The following DKK2 variants were observed in gnomAD, a reference collection of about 807,000 sequenced individuals.
DKK2 encodes the protein dickkopf Wnt signaling pathway inhibitor 2, also known as dickkopf-related protein 2.
In DKK2, 11 loss-of-function variants were observed where a neutral mutation model predicts 28.1. The ratio of observed to expected loss-of-function variants is 0.39; its 90% CI spans 0.25 to 0.65. DKK2 has a LOEUF of 0.65. Ranked by LOEUF, DKK2 falls within the 30% of genes least tolerant of loss-of-function variation. The pLI, the probability that DKK2 is intolerant of heterozygous loss-of-function variation, is 0.47. For missense variants in DKK2, 326 were observed against 335.5 expected (o/e 0.97, Z 0.22); for synonymous variants, 135 against 126.5 (o/e 1.07, Z -0.45).
intron 1 of DKK2, among the ~76,000 whole-genome samples, chr4:106,973,410 C>T (rs1578363381): frequency 6.6e-6 from 1 of 152,186 alleles, no homozygotes; most frequent in East Asian, 1.9e-4. Flanking sequence ...TGTTTCCTGA[C>T]TTTTTAATGA....
intron 1 of DKK2, among the ~76,000 whole-genome samples, chr4:106,945,392 G>A (rs1724760827): frequency 6.6e-6 from 1 of 152,060 alleles, no homozygotes; most frequent in Admixed American, 6.6e-5. Context: ...CAAACACAGT[G>A]TAACAAAATG....
At chr4:106,988,324 G>T (rs978825181) in intron 1 of DKK2, among the ~76,000 whole-genome samples, 1 of 152,166 alleles carries the variant, frequency 6.6e-6, no homozygotes, top group African/African-American at 2.4e-5. Context: ...CTTGTTTTCA[G>T]TTTCAAAGTC....
chr4:107,011,903 T>C (rs986645968), intron 1 of DKK2, among the ~76,000 whole-genome samples: 3 of 151,432 alleles, frequency 2.0e-5, no homozygotes, highest in African/African-American at 7.2e-5. Flanking sequence ...TTTGAACTTT[T>C]AGACTTCTCA....
At chr4:106,982,132 G>T (rs964161081) in intron 1 of DKK2, among the ~76,000 whole-genome samples, 5 of 152,142 alleles carry the variant, frequency 3.3e-5, no homozygotes, top group Admixed American at 3.3e-4. Flanking sequence ...AATTTATGAA[G>T]TGATATTTAA....
Position 107,035,727 on chromosome 4 carries a change from T to A in DKK2, c.-136A>T. 1.2e-6 allele frequency: 1 copy of A among 854,620 alleles called. No homozygotes were observed. Among genetic ancestry groups the A allele is most frequent in the Non-Finnish European group, 1.8e-6 (1 of 551,174 alleles). 52.9% of individuals were successfully genotyped at this position (854,620 alleles called of 1,614,324 possible). On this transcript the variant is annotated 5_prime_UTR_variant, in exon 1 of 4. Coordinates refer to ENST00000285311, the MANE Select transcript of DKK2 (RefSeq NM_014421.3). Reference sequence around the variant, plus strand: ...TTGTGTTCCCTCAACCCTTCCTGGTTCGGGGACCCAGGACCCTATGAACTC... The same window carrying A: ...TTGTGTTCCCTCAACCCTTCCTGGTACGGGGACCCAGGACCCTATGAACTC...
At chr4:106,956,422 A>G (rs1277973505) in intron 1 of DKK2, among the ~76,000 whole-genome samples, 1 of 152,196 alleles carries the variant, frequency 6.6e-6, no homozygotes, top group Admixed American at 6.5e-5. Context: ...ATATGGAACT[A>G]AAAAAGAGCC....
chr4:106,976,311 C>T (rs149115551), intron 1 of DKK2, among the ~76,000 whole-genome samples: 196 of 152,224 alleles, frequency 1.3e-3, no homozygotes, highest in East Asian at 9.8e-3. Context: ...TTTTCTGACT[C>T]GTCGATCTGT....
intron 1 of DKK2, among the ~76,000 whole-genome samples, chr4:106,975,439 A>G (rs556766653): frequency 6.6e-6 from 1 of 152,194 alleles, no homozygotes; most frequent in African/African-American, 2.4e-5. Context: ...TCATCTATTC[A>G]GGGATTCGAC....
chr4:107,009,682 G>A (rs1273974026), intron 1 of DKK2, among the ~76,000 whole-genome samples: 1 of 151,700 alleles, frequency 6.6e-6, no homozygotes, highest in Non-Finnish European at 1.5e-5. Flanking sequence ...CTTGCAGCTG[G>A]GGGAGGGCAA....
intron 1 of DKK2, among the ~76,000 whole-genome samples, chr4:106,999,051 C>T (rs1283037164): frequency 6.6e-6 from 1 of 152,146 alleles, no homozygotes; most frequent in Admixed American, 6.5e-5. Context: ...GGGGGATTGG[C>T]TTCAGAGAAA....
At chr4:106,931,954 C>A (rs1051535370) in intron 1 of DKK2, among the ~76,000 whole-genome samples, 4 of 152,074 alleles carry the variant, frequency 2.6e-5, no homozygotes, top group Non-Finnish European at 5.9e-5. Flanking sequence ...GTTTTTGTAC[C>A]TTTGGCTAAT....
At chr4:106,983,042 GAA>G (rs761190033) in intron 1 of DKK2, among the ~76,000 whole-genome samples, 7 of 140,192 alleles carry the variant, frequency 5.0e-5, no homozygotes, top group Non-Finnish European at 9.6e-5. Flanking sequence ...AAAGATGAAA[GAA>G]AGAAAGAAAG....
At chr4:106,976,853 G>A (rs1433449733) in intron 1 of DKK2, among the ~76,000 whole-genome samples, 1 of 152,110 alleles carries the variant, frequency 6.6e-6, no homozygotes, top group Non-Finnish European at 1.5e-5. Context: ...TTACAATTTG[G>A]TATGTTTTTG....
intron 1 of DKK2, among the ~76,000 whole-genome samples, chr4:106,964,865 C>A (rs982644983): frequency 6.6e-6 from 1 of 151,894 alleles, no homozygotes; most frequent in Non-Finnish European, 1.5e-5. Flanking sequence ...ACTTGTCAGT[C>A]CCACAATCAT....
In DKK2 at chr4:106,954,773, G is replaced by A. The variant is rs767883163; in HGVS notation, c.223-28824C>T. On this transcript the variant is annotated intron_variant, in intron 1 of 3. Coordinates refer to ENST00000285311, the MANE Select transcript of DKK2 (RefSeq NM_014421.3). ...CCTGACCTCGTGATCTGCCTGCCTC[G>A]CCCTCGCAAAGTGCTGGGATTACAG... Among the ~76,000 whole-genome samples the A allele has an allele frequency of 1.3e-4, 20 of 152,184 alleles. 1 individual carries two copies. The highest frequency in any genetic ancestry group is 6.5e-4 in the Admixed American group (10 of 15,286).
At chr4:107,016,097 TAG>T (rs1452679087) in intron 1 of DKK2, among the ~76,000 whole-genome samples, 3 of 151,802 alleles carry the variant, frequency 2.0e-5, no homozygotes, top group African/African-American at 7.2e-5. Context: ...AGAGTCAAAT[TAG>T]AGCAAAGTTA....
chr4:106,991,876 A>G (rs896495723), intron 1 of DKK2, among the ~76,000 whole-genome samples: 4 of 152,194 alleles, frequency 2.6e-5, no homozygotes, highest in African/African-American at 9.6e-5. Context: ...TCCGAACTCC[A>G]GTGACAGTTG....
intron 1 of DKK2, among the ~76,000 whole-genome samples, chr4:106,982,080 T>C (rs1348674724): frequency 6.6e-6 from 1 of 152,162 alleles, no homozygotes; most frequent in African/African-American, 2.4e-5. Flanking sequence ...ACAGAACAAA[T>C]ATTTTAAGAT....
chr4:106,964,803 C>T (rs1207121706), intron 1 of DKK2, among the ~76,000 whole-genome samples: 1 of 152,106 alleles, frequency 6.6e-6, no homozygotes, highest in African/African-American at 2.4e-5. Context: ...GAAATTCTGA[C>T]TCAAGCCTGG....
Sources: gnomAD v4.1 joint callset for allele counts (sites outside exome capture counted in the v4.1 genomes callset) on GRCh38, gnomAD v4.1.1 for gene constraint, MANE v1.5 for transcripts, NCBI Gene and HGNC (gene_info 2026-07-23, HGNC 2026-07-21) for gene names.